The following NXPH1 variants were observed in gnomAD, a reference collection of about 807,000 sequenced individuals.
NXPH1 encodes the protein neurexophilin-1.
NXPH1 carries 5 observed loss-of-function variants against 23.7 expected under a neutral mutation model. The ratio of observed to expected loss-of-function variants is 0.21; its 90% confidence interval spans 0.11 to 0.44. The LOEUF is 0.44. NXPH1 is among the 20% of genes least tolerant of loss of function. The pLI, the probability that NXPH1 is intolerant of heterozygous loss-of-function variation, is 0.99. For missense variants in NXPH1, 324 were observed against 321.6 expected (o/e 1.01, Z -0.06); for synonymous variants, 144 against 122.2 (o/e 1.18, Z -1.18).
chr7:8,607,464 T>C (rs992877642), intron 2 of NXPH1, among the ~76,000 whole-genome samples: 7 of 152,222 alleles, frequency 4.6e-5, no homozygotes, highest in Non-Finnish European at 8.8e-5. Context: ...CATTAGTTGA[T>C]CATGTTATCA....
chr7:8,561,383 C>CACACACACACACACACACACACACACACA (rs1554256950), intron 2 of NXPH1, among the ~76,000 whole-genome samples: 1 of 147,114 alleles, frequency 6.8e-6, no homozygotes, highest in African/African-American at 2.5e-5. Flanking sequence ...CACACACACA[C>CACACACACACACACACACACACACACACA]CTCTCTCTCT....
intron 2 of NXPH1, among the ~76,000 whole-genome samples, chr7:8,574,614 G>A (rs115658530): frequency 1.3e-5 from 2 of 152,122 alleles, no homozygotes; most frequent in East Asian, 3.9e-4. Flanking sequence ...TGTTTTCCTG[G>A]TGTCTGCATC....
chr7:8,561,463 C>T (rs1456081410), intron 2 of NXPH1, among the ~76,000 whole-genome samples: 1 of 151,136 alleles, frequency 6.6e-6, no homozygotes, highest in African/African-American at 2.4e-5. Context: ...AATAGTGTAC[C>T]AAAGAATGTA....
intron 2 of NXPH1, among the ~76,000 whole-genome samples, chr7:8,731,269 C>T (rs909584291): frequency 5.9e-5 from 9 of 152,016 alleles, no homozygotes; most frequent in East Asian, 3.9e-4. Context: ...TTTTCAACTT[C>T]TTTGCCTTTG....
chr7:8,475,657 T>A (rs928520100), intron 2 of NXPH1, among the ~76,000 whole-genome samples: 1 of 152,166 alleles, frequency 6.6e-6, no homozygotes, highest in Non-Finnish European at 1.5e-5. Flanking sequence ...TCTTCTTTGG[T>A]GGGAAGCTCT....
At chr7:8,704,372 C>G (rs530558711) in intron 2 of NXPH1, among the ~76,000 whole-genome samples, 1 of 152,090 alleles carries the variant, frequency 6.6e-6, no homozygotes, top group East Asian at 1.9e-4. Context: ...TCTCTCCATG[C>G]CATCACCACC....
chr7:8,694,492 A>G (rs1821272487), intron 2 of NXPH1, among the ~76,000 whole-genome samples: 1 of 152,230 alleles, frequency 6.6e-6, no homozygotes, highest in South Asian at 2.1e-4. Flanking sequence ...TTAAAAGTAT[A>G]GTCTGGACAT....
intron 2 of NXPH1, among the ~76,000 whole-genome samples, chr7:8,593,739 T>G (rs1583178686): frequency 6.6e-6 from 1 of 152,188 alleles, no homozygotes; most frequent in East Asian, 1.9e-4. Flanking sequence ...AAAATTCAGA[T>G]GTGACAAAAC....
At chr7:8,669,586 G>T (rs761245678) in intron 2 of NXPH1, among the ~76,000 whole-genome samples, 1 of 152,134 alleles carries the variant, frequency 6.6e-6, no homozygotes, top group African/African-American at 2.4e-5. Context: ...TGAACCTGGT[G>T]TTGGAGTACA....
chr7:8,698,568 C>T (rs7804659), intron 2 of NXPH1, among the ~76,000 whole-genome samples: 132,867 of 152,178 alleles, frequency 0.87, 58,328 homozygotes, highest in East Asian at 1. Context: ...GTAGTATCTA[C>T]GCATTTACAT....
At chr7:8,452,664 A>G (rs1435196203) in intron 2 of NXPH1, among the ~76,000 whole-genome samples, 15 of 152,124 alleles carry the variant, frequency 9.9e-5, no homozygotes, top group Admixed American at 9.8e-4. Context: ...GGGAAAAGAA[A>G]GCCTTTTCCA....
intron 2 of NXPH1, among the ~76,000 whole-genome samples, chr7:8,468,306 T>C (rs1816817014): frequency 6.6e-6 from 1 of 152,080 alleles, no homozygotes; most frequent in African/African-American, 2.4e-5. Context: ...AATGGTTACA[T>C]AGGTGAGTTT....
At chr7:8,509,799 A>G (rs900137879) in intron 2 of NXPH1, among the ~76,000 whole-genome samples, 1 of 152,130 alleles carries the variant, frequency 6.6e-6, no homozygotes, top group Non-Finnish European at 1.5e-5. Flanking sequence ...AGCAAAACCA[A>G]TGTGAAAAAT....
intron 2 of NXPH1, among the ~76,000 whole-genome samples, chr7:8,580,022 C>T (rs543951935): frequency 6.6e-6 from 1 of 152,150 alleles, no homozygotes; most frequent in Non-Finnish European, 1.5e-5. Flanking sequence ...GAGTCTGTGC[C>T]ATTCCACAAC....
rs1344525021 is a variant in NXPH1, at chr7:8,674,196, CA to C, written c.55-76811del. On this transcript the variant is annotated intron_variant, in intron 2 of 2. Transcript: ENST00000405863. ...ACACACACACACACACACACACACA[CA>C]CACACACCTATGCAATTCAATCCTT... is the stretch of plus-strand genomic sequence containing the variant. 4.4e-3 allele frequency among the ~76,000 whole-genome samples: 627 copies of C among 144,044 alleles called. 3 individuals are homozygous for C. The highest frequency in any genetic ancestry group is 8.9e-3 in the South Asian group (38 of 4,250). 94.5% of individuals were successfully genotyped at this position (144,044 alleles called of 152,430 possible).
chr7:8,646,975 G>A (rs1056027346), intron 2 of NXPH1, among the ~76,000 whole-genome samples: 1 of 151,974 alleles, frequency 6.6e-6, no homozygotes, highest in Non-Finnish European at 1.5e-5. Flanking sequence ...AGGCACTGGG[G>A]AGGGGAGGAG....
At chr7:8,710,384 C>G (rs1779768085) in intron 2 of NXPH1, among the ~76,000 whole-genome samples, 1 of 152,160 alleles carries the variant, frequency 6.6e-6, no homozygotes, top group African/African-American at 2.4e-5. Context: ...ATCTTTTAAT[C>G]AATTCTTCCA....
intron 2 of NXPH1, among the ~76,000 whole-genome samples, chr7:8,479,890 A>G (rs143677417): frequency 0.014 from 2,068 of 152,290 alleles, 25 homozygotes; most frequent in Middle Eastern, 0.048. Context: ...AGTTACCTTC[A>G]GAAGACGCAA....
intron 2 of NXPH1, among the ~76,000 whole-genome samples, chr7:8,729,196 C>A (rs1212002695): frequency 3.3e-5 from 5 of 151,172 alleles, no homozygotes; most frequent in Non-Finnish European, 7.4e-5. Context: ...TCCCCTTTAT[C>A]ATTTTTTATT....
Sources: allele counts gnomAD v4.1 joint callset (sites outside exome capture counted in the v4.1 genomes callset), GRCh38; gene constraint gnomAD v4.1.1; transcripts MANE v1.5; gene names NCBI Gene and HGNC (gene_info 2026-07-23, HGNC 2026-07-21).